Variants in KCNQ3 observed in about 807,000 individuals in gnomAD.
The protein encoded by KCNQ3 is potassium voltage-gated channel subfamily Q member 3.
KCNQ3 carries 30 observed loss-of-function variants against 92.5 expected under a neutral mutation model. That is an observed-to-expected ratio of 0.32 (90% CI 0.24 to 0.44). The LOEUF is 0.44. Among genes scored for constraint, KCNQ3 ranks in the 20% least tolerant of loss-of-function variants. The pLI is 1.00. For missense variants in KCNQ3, 913 were observed against 1,140.3 expected (o/e 0.80, Z 2.87); for synonymous variants, 450 against 468.8 (o/e 0.96, Z 0.52).
chr8:132,400,744 G>C (rs1370510507), intron 1 of KCNQ3, among the ~76,000 whole-genome samples: 1 of 152,238 alleles, frequency 6.6e-6, no homozygotes, highest in African/African-American at 2.4e-5. Context: ...AATCAGAGTG[G>C]TGAGGCCCTC....
At chr8:132,398,457 A>G (rs1820251701) in intron 1 of KCNQ3, among the ~76,000 whole-genome samples, 1 of 152,176 alleles carries the variant, frequency 6.6e-6, no homozygotes. Flanking sequence ...TGATTTGCTT[A>G]TTATTCACAT....
Position 132,125,088 on chromosome 8 carries a change from C to T in KCNQ3, c.*4174G>A. ...AGTAACTCAGCTCCTTGACTGGTAT[C>T]AATCTTAGCAGGGATTAGGAGACAA... On this transcript the variant is annotated 3_prime_UTR_variant, in exon 15 of 15. Coordinates refer to ENST00000388996, the MANE Select transcript of KCNQ3 (RefSeq NM_004519.4). 1 of 152,190 alleles carries T rather than the reference C, an allele frequency of 6.6e-6. No homozygotes were observed. The highest frequency in any genetic ancestry group is 1.9e-4 in the East Asian group (1 of 5,194). The allele number at this position is 152,190 out of a possible 1,614,324, so 9.4% of individuals were successfully genotyped here.
At chr8:132,224,947 A>T (rs1814362113) in intron 1 of KCNQ3, among the ~76,000 whole-genome samples, 1 of 152,234 alleles carries the variant, frequency 6.6e-6, no homozygotes. Context: ...ACTAGGCACC[A>T]GTAGAATGAT....
At chr8:132,431,159 C>T (rs1384668066) in intron 1 of KCNQ3, among the ~76,000 whole-genome samples, 1 of 152,130 alleles carries the variant, frequency 6.6e-6, no homozygotes, top group African/African-American at 2.4e-5. Context: ...TCCCTTGAAA[C>T]CCCAAACACC....
intron 1 of KCNQ3, among the ~76,000 whole-genome samples, chr8:132,290,218 A>T (rs1816799479): frequency 6.6e-6 from 1 of 152,214 alleles, no homozygotes; most frequent in South Asian, 2.1e-4. Flanking sequence ...ACTAAGTTCA[A>T]ACAGTTAAAT....
At chr8:132,398,899 T>A (rs1284288796) in intron 1 of KCNQ3, among the ~76,000 whole-genome samples, 3 of 152,216 alleles carry the variant, frequency 2.0e-5, no homozygotes, top group Non-Finnish European at 4.4e-5. Flanking sequence ...ACCACCTCCC[T>A]GAGACAGCCT....
intron 1 of KCNQ3, among the ~76,000 whole-genome samples, chr8:132,274,765 T>C (rs1333481399): frequency 1.3e-5 from 2 of 152,088 alleles, no homozygotes; most frequent in Non-Finnish European, 2.9e-5. Context: ...CCCAGTGGGG[T>C]GCTGGGAAGT....
Position 132,417,442 on chromosome 8 carries a change from G to A in KCNQ3, c.386+62705C>T, listed in dbSNP as rs1479616058. On this transcript the variant is annotated intron_variant, in intron 1 of 14. Coordinates refer to ENST00000388996, the MANE Select transcript of KCNQ3 (RefSeq NM_004519.4). ...CATCCAATCAGAACTCAGAGGCAAGGAGGCCACTGGTGAAATTTACAAGTT... is the reference window on the plus strand; with the variant it reads ...CATCCAATCAGAACTCAGAGGCAAGAAGGCCACTGGTGAAATTTACAAGTT... Among the ~76,000 whole-genome samples the A allele has an allele frequency of 2.0e-5, 3 of 152,208 alleles. No individual in the cohort carries two copies. In the South Asian group the frequency reaches 6.2e-4, roughly 31 times the overall value.
chr8:132,480,872 CG>C lies in KCNQ3; in HGVS notation c.-341del. The C allele has an allele frequency of 6.4e-6, 1 of 155,046 alleles. No homozygotes were observed. The highest frequency in any genetic ancestry group is 1.4e-5 in the Non-Finnish European group (1 of 71,878). 9.6% of individuals were successfully genotyped at this position (155,046 alleles called of 1,614,324 possible). A position where few individuals can be genotyped will look rare whatever the true frequency, so the allele number is the denominator to read the frequency against. ...CGGCGGGAGCCTGGAACCGGCGCTC[CG>C]GGGCGGCGGCGGCGGCGGCGGCACC... On this transcript the variant is annotated 5_prime_UTR_variant, in exon 1 of 15. The change abolishes the stop of an existing upstream ORF in the 5' untranslated region. Coordinates refer to ENST00000388996, the MANE Select transcript of KCNQ3 (RefSeq NM_004519.4).
intron 1 of KCNQ3, among the ~76,000 whole-genome samples, chr8:132,469,333 T>A (rs141849536): frequency 6.6e-6 from 1 of 152,208 alleles, no homozygotes; most frequent in African/African-American, 2.4e-5. Flanking sequence ...TCTACAGCTT[T>A]AGGAAAATAC....
chr8:132,358,860 C>T (rs1175150582), intron 1 of KCNQ3, among the ~76,000 whole-genome samples: 1 of 152,112 alleles, frequency 6.6e-6, no homozygotes, highest in East Asian at 1.9e-4. Context: ...TACCTAATGG[C>T]CAAGGATCCC....
chr8:132,318,153 C>G (rs746697516), intron 1 of KCNQ3, among the ~76,000 whole-genome samples: 6 of 152,116 alleles, frequency 3.9e-5, no homozygotes, highest in Non-Finnish European at 5.9e-5. Context: ...GGTATGGTAA[C>G]CTATTTATGA....
chr8:132,396,901 AT>A (rs1470345485), intron 1 of KCNQ3, among the ~76,000 whole-genome samples: 2 of 151,948 alleles, frequency 1.3e-5, no homozygotes, highest in African/African-American at 4.8e-5. Context: ...GGTGACCAGA[AT>A]TGAAAGAAAA....
intron 1 of KCNQ3, among the ~76,000 whole-genome samples, chr8:132,277,588 T>C (rs1269116942): frequency 1.3e-5 from 2 of 152,148 alleles, no homozygotes; most frequent in Non-Finnish European, 2.9e-5. Flanking sequence ...TTTCACAAAA[T>C]CTAAAAATTA....
chr8:132,212,657 G>C (rs1215971934), intron 1 of KCNQ3, among the ~76,000 whole-genome samples: 1 of 152,020 alleles, frequency 6.6e-6, no homozygotes, highest in Non-Finnish European at 1.5e-5. Context: ...GTTCATTTAA[G>C]AAGGGGAATC....
At chr8:132,276,580 A>G (rs563335250) in intron 1 of KCNQ3, among the ~76,000 whole-genome samples, 3 of 152,082 alleles carry the variant, frequency 2.0e-5, no homozygotes, top group Non-Finnish European at 2.9e-5. Flanking sequence ...ATTTAAAACT[A>G]CTTCCTCATG....
chr8:132,187,881 G>T (rs1275749637), intron 1 of KCNQ3, among the ~76,000 whole-genome samples: 79 of 90,312 alleles, frequency 8.7e-4, no homozygotes, highest in Middle Eastern at 4.6e-3. Flanking sequence ...TGATAGTGAT[G>T]GTGGCGGTGG....
chr8:132,450,809 A>C (rs1443532859), intron 1 of KCNQ3, among the ~76,000 whole-genome samples: 1 of 152,182 alleles, frequency 6.6e-6, no homozygotes, highest in Non-Finnish European at 1.5e-5. Flanking sequence ...CCTCATCATC[A>C]CCGTCCTCCC....
At chr8:132,329,493 T>TC (rs1246284414) in intron 1 of KCNQ3, among the ~76,000 whole-genome samples, 1 of 121,818 alleles carries the variant, frequency 8.2e-6, no homozygotes, top group African/African-American at 2.8e-5. Context: ...AAATAAACCT[T>TC]CATTGCCATC....
Sources: gnomAD v4.1 joint callset for allele counts (sites outside exome capture counted in the v4.1 genomes callset) on GRCh38, gnomAD v4.1.1 for gene constraint, MANE v1.5 for transcripts, NCBI Gene and HGNC (gene_info 2026-07-23, HGNC 2026-07-21) for gene names.